CAST: variants seen among roughly 807,000 people sequenced by gnomAD.
The protein encoded by CAST is calpastatin, also known as MIR583 host.
Under a neutral mutation model 119.6 loss-of-function variants are expected in CAST, and 76 were observed. The ratio of observed to expected loss-of-function variants is 0.64; its 90% CI spans 0.53 to 0.77. The LOEUF is 0.77. Ranked by LOEUF, CAST falls within the 30% of genes least tolerant of loss-of-function variation. The pLI is 0.00. For missense variants in CAST, 953 were observed against 946.5 expected (o/e 1.01, Z -0.09); for synonymous variants, 319 against 331.6 (o/e 0.96, Z 0.41).
At chr5:96,104,718 G>A in the CAST span, among the ~76,000 whole-genome samples, 4 of 143,548 alleles carry the variant, frequency 2.8e-5, no homozygotes, top group Non-Finnish European at 6.1e-5. Flanking sequence ...GGCGATGCGG[G>A]CTCTTTTTTG....
upstream of CAST, among the ~76,000 whole-genome samples, chr5:96,528,226 A>G (rs530786673): frequency 2.6e-5 from 4 of 152,320 alleles, no homozygotes; most frequent in African/African-American, 9.6e-5. Flanking sequence ...TCAGAGCTCA[A>G]ACTCATTCAG....
At chr5:96,009,755 G>C in the CAST span, among the ~76,000 whole-genome samples, 2 of 152,058 alleles carry the variant, frequency 1.3e-5, no homozygotes, top group Non-Finnish European at 2.9e-5. Flanking sequence ...TCTGTTTACT[G>C]TGCTGATAGT....
the CAST span, among the ~76,000 whole-genome samples, chr5:96,337,952 A>G: frequency 6.6e-6 from 1 of 152,202 alleles, no homozygotes; most frequent in Non-Finnish European, 1.5e-5. Context: ...TTATGTTTCT[A>G]TAGCTAAGGA....
chr5:96,074,457 A>G, the CAST span, among the ~76,000 whole-genome samples: 1 of 152,198 alleles, frequency 6.6e-6, no homozygotes, highest in African/African-American at 2.4e-5. Flanking sequence ...AGACACAGTG[A>G]GAAGGTGGCC....
chr5:96,447,840 A>G, the CAST span, among the ~76,000 whole-genome samples: 2 of 152,058 alleles, frequency 1.3e-5, no homozygotes, highest in Non-Finnish European at 2.9e-5. Context: ...TTCTAATTAA[A>G]TTGGCTCTAA....
intron 1 of CAST, among the ~76,000 whole-genome samples, chr5:96,530,669 G>A (rs1412335446): frequency 6.6e-6 from 1 of 152,200 alleles, no homozygotes; most frequent in African/African-American, 2.4e-5. Context: ...AGAAAAACTG[G>A]AGGAACGGCT....
the CAST span, among the ~76,000 whole-genome samples, chr5:96,060,897 A>G: frequency 1.3e-5 from 2 of 152,056 alleles, no homozygotes; most frequent in Non-Finnish European, 2.9e-5. Flanking sequence ...AGCAGGGTGG[A>G]TTTCTGGTGA....
At chr5:96,300,193 A>G in the CAST span, among the ~76,000 whole-genome samples, 1 of 152,144 alleles carries the variant, frequency 6.6e-6, no homozygotes, top group Non-Finnish European at 1.5e-5. Context: ...CCAATGTTGT[A>G]TAGTTTCTTC....
At chr5:96,341,295 A>G in the CAST span, among the ~76,000 whole-genome samples, 16 of 151,972 alleles carry the variant, frequency 1.1e-4, no homozygotes, top group Non-Finnish European at 8.8e-5. Context: ...AATCTTGATC[A>G]CAATCTCCTT....
chr5:96,384,446 T>A, the CAST span, among the ~76,000 whole-genome samples: 1 of 152,346 alleles, frequency 6.6e-6, no homozygotes, highest in South Asian at 2.1e-4. Flanking sequence ...CTATCTCTTA[T>A]GGACATACGT....
At chr5:96,126,135 AT>A in the CAST span, among the ~76,000 whole-genome samples, 1 of 152,110 alleles carries the variant, frequency 6.6e-6, no homozygotes, top group Non-Finnish European at 1.5e-5. Context: ...ACAATTATAG[AT>A]TTTTGCTCCA....
intron 2 of CAST, among the ~76,000 whole-genome samples, chr5:96,678,531 C>T (rs986349716): frequency 2.6e-5 from 4 of 152,030 alleles, no homozygotes; most frequent in African/African-American, 7.3e-5. Context: ...TGAGAACCAC[C>T]GTTATATTGC....
chr5:96,276,791 C>T, the CAST span, among the ~76,000 whole-genome samples: 2 of 152,110 alleles, frequency 1.3e-5, no homozygotes, highest in African/African-American at 4.8e-5. Context: ...ATCTGTTTCC[C>T]ATCCCTCATG....
chr5:96,686,058 A>G (rs1211971860), intron 2 of CAST, among the ~76,000 whole-genome samples: 3 of 152,060 alleles, frequency 2.0e-5, no homozygotes, highest in African/African-American at 7.2e-5. Context: ...AGAGAGCTGC[A>G]GTTTCAGAGT....
chr5:96,534,739 G>GAGAAAGAGAA (rs1745758056), intron 1 of CAST, among the ~76,000 whole-genome samples: 17 of 22,718 alleles, frequency 7.5e-4, no homozygotes, highest in African/African-American at 1.8e-3. Flanking sequence ...GAGAGAGAGA[G>GAGAAAGAGAA]AGAAAGAAAG....
chr5:96,753,251 C>T (rs1765545931), intron 20 of CAST, among the ~76,000 whole-genome samples: 1 of 152,158 alleles, frequency 6.6e-6, no homozygotes, highest in African/African-American at 2.4e-5. Flanking sequence ...CTGCCTTGGC[C>T]TCCCAAAATG....
At chr5:96,479,603 C>T in the CAST span, among the ~76,000 whole-genome samples, 9 of 152,084 alleles carry the variant, frequency 5.9e-5, no homozygotes, top group African/African-American at 2.2e-4. Flanking sequence ...GCATGCACCA[C>T]CATGCCCAGC....
the CAST span, among the ~76,000 whole-genome samples, chr5:96,183,620 G>A: frequency 6.6e-6 from 1 of 152,018 alleles, no homozygotes; most frequent in Admixed American, 6.6e-5. Context: ...GTATTATCCA[G>A]AAGAAAGAGC....
chr5:96,325,651 T>G, the CAST span, among the ~76,000 whole-genome samples: 1 of 151,954 alleles, frequency 6.6e-6, no homozygotes, highest in South Asian at 2.1e-4. Context: ...GGCTAAGTTT[T>G]GTATTTTTTG....
Sources: allele counts gnomAD v4.1 joint callset (sites outside exome capture counted in the v4.1 genomes callset), GRCh38; gene constraint gnomAD v4.1.1; transcripts MANE v1.5; gene names NCBI Gene and HGNC (gene_info 2026-07-23, HGNC 2026-07-21).